Variants in TNS1 observed in about 807,000 individuals in gnomAD.
The protein encoded by TNS1 is tensin 1, also known as tensin-1.
In TNS1, 62 loss-of-function variants were observed where a neutral mutation model predicts 168.6. The observed-to-expected ratio is 0.37, with a 90% CI of 0.30 to 0.45. TNS1 has a LOEUF of 0.45. TNS1 is among the 20% of genes least tolerant of loss of function. The pLI is 1.00. For missense variants in TNS1, 2,240 were observed against 2,339.4 expected, an observed-to-expected ratio of 0.96 and a Z score of 0.88; for synonymous variants, 934 against 933.2, an observed-to-expected ratio of 1.00 and a Z score of -0.02.
chr2:217,805,557 ACACAC>A (rs1938644804), intron 32 of TNS1, among the ~76,000 whole-genome samples: 5 of 95,758 alleles, frequency 5.2e-5, no homozygotes, highest in Admixed American at 1.1e-4. Context: ...CACACACCAC[ACACAC>A]CACCACACAC....
In TNS1 at chr2:217,849,027, T is replaced by C; in HGVS notation, c.1490A>G (p.Lys497Arg). Residue 497 changes from lysine (K) to arginine (R), a missense_variant, in exon 19 of 33, where the codon AAA (lysine) becomes AGA (arginine). By Grantham distance (26) the Lys-to-Arg change is conservative. Around this residue, in one of 2 missense-constraint regions of TNS1, gnomAD observed 2,131 missense variants for 2,171.2 expected, o/e 0.98. Transcript: ENST00000682258. ...DGSLYAKVKKKDSLHGSTGAV... is the reference protein window; with the variant it reads ...DGSLYAKVKKRDSLHGSTGAV... ...CCCGGTGCTGCCGTGCAGGGAGTCTTTCTTCTTCACCTTAGCATACAGGCT... is the reference window on the plus strand; with the variant it reads ...CCCGGTGCTGCCGTGCAGGGAGTCTCTCTTCTTCACCTTAGCATACAGGCT... The C allele has an allele frequency of 6.2e-7, 1 of 1,613,858 alleles. No individual in the cohort carries two copies. The highest frequency in any genetic ancestry group is 1.1e-5 in the South Asian group (1 of 91,064).
At chr2:218,031,124 G>A (rs541903874) in intron 1 of TNS1, among the ~76,000 whole-genome samples, 1,944 of 92,588 alleles carry the variant, frequency 0.021, 56 homozygotes, top group African/African-American at 0.13. Flanking sequence ...GTGTGAGCAT[G>A]TCTGTGTGTG....
upstream of TNS1, among the ~76,000 whole-genome samples, chr2:218,014,384 G>T (rs1475530652): frequency 2.6e-5 from 4 of 152,086 alleles, no homozygotes; most frequent in Admixed American, 2.0e-4. Flanking sequence ...CTGTCCCTCG[G>T]GTACCAACTT....
chr2:217,805,389 C>T (rs978088436), intron 32 of TNS1, among the ~76,000 whole-genome samples: 1 of 101,800 alleles, frequency 9.8e-6, no homozygotes, highest in East Asian at 2.7e-4. Flanking sequence ...AAGGGGGATT[C>T]TGCTGGTCCC....
At chr2:217,825,764 T>A (rs11897815) in intron 22 of TNS1, among the ~76,000 whole-genome samples, 2 of 152,060 alleles carry the variant, frequency 1.3e-5, no homozygotes, top group Non-Finnish European at 2.9e-5. Flanking sequence ...GGGAGTCTGA[T>A]GGCAAGATTG....
chr2:218,009,501 G>C lies in TNS1; in HGVS notation c.96+599C>G, dbSNP rs559401187. Among the ~76,000 whole-genome samples the C allele has an allele frequency of 1.4e-3, 219 of 151,816 alleles. 5 individuals are homozygous for C. The South Asian group carries it at 0.045, about 31-fold the overall frequency. On this transcript the variant is annotated intron_variant, in intron 1 of 32. Coordinates refer to the TNS1 transcript ENST00000646520. ...CACCCACAGCACTGCAGGTTCCCCA[G>C]ACCCCTGCTCCCGCCCCCAGCCCAG...
intron 4 of TNS1, among the ~76,000 whole-genome samples, chr2:217,909,212 A>G (rs1338004371): frequency 6.6e-6 from 1 of 152,012 alleles, no homozygotes; most frequent in Non-Finnish European, 1.5e-5. Context: ...GTTGGGCAGA[A>G]CAGCCCAGCT....
intron 18 of TNS1, chr2:217,850,304 T>C (rs1559235883): frequency 1.0e-6 from 1 of 985,068 alleles, no homozygotes; most frequent in Non-Finnish European, 1.2e-6. Context: ...GGGGGGCATA[T>C]AGGGTGCTGA....
At chr2:217,858,206 C>T (rs1265004484) in intron 18 of TNS1, among the ~76,000 whole-genome samples, 1 of 152,064 alleles carries the variant, frequency 6.6e-6, no homozygotes, top group Non-Finnish European at 1.5e-5. Context: ...AACTCAGACA[C>T]ACGGCCCCCC....
chr2:217,805,586 C>T (rs1938693617), intron 32 of TNS1, among the ~76,000 whole-genome samples: 4 of 278 alleles, frequency 0.014, no homozygotes, highest in Admixed American at 0.056. Context: ...ACACACACAA[C>T]ACACACCACC....
rs560458200 is a variant in TNS1, at chr2:218,033,116, G to A, written c.156+704C>T. On this transcript the variant is annotated intron_variant, in intron 1 of 1. Transcript: ENST00000649572. This position sits in a 1 kb window ranked among gnomAD's most constrained non-coding sequence, Gnocchi z 4.3. ...TGAAGAAAGAAGACCCACCAACAGC[G>A]AGTCCTGAGGTCACAGGGACCTAGA... Among the ~76,000 whole-genome samples, 426 of 152,228 alleles carry A rather than the reference G, an allele frequency of 2.8e-3. No individual in the cohort carries two copies. The highest frequency in any genetic ancestry group is 9.6e-3 in the African/African-American group (398 of 41,522).
Position 217,813,224 on chromosome 2 carries a change from G to T in TNS1, c.4945C>A (p.Pro1649Thr). Residue 1649 changes from proline to threonine, a missense_variant, in exon 27 of 33, where the codon CCA becomes ACA. Transcript: ENST00000682258. This position sits in a 1 kb window ranked among gnomAD's most constrained non-coding sequence, Gnocchi z 4.0. ...GVKLKGCPNE[P>T]NFGSLSALVY... ...CAGGGGGACAGCTCACCGAAGTTTG[G>T]CTCATTGGGGCAGCCCTTGAGCTTG... is the stretch of plus-strand genomic sequence containing the variant. 1 of 1,602,460 alleles carries T rather than the reference G, an allele frequency of 6.2e-7. No homozygotes were observed. Among genetic ancestry groups the T allele is most frequent in the Non-Finnish European group, 8.5e-7 (1 of 1,173,714 alleles).
intron 4 of TNS1, among the ~76,000 whole-genome samples, chr2:217,916,606 A>G (rs1410738293): frequency 6.6e-6 from 1 of 152,192 alleles, no homozygotes; most frequent in African/African-American, 2.4e-5. Context: ...CCAGTGCCCC[A>G]CAGGAGGGTG....
At chr2:217,900,852 C>T (rs747156519) in intron 6 of TNS1, among the ~76,000 whole-genome samples, 3 of 152,172 alleles carry the variant, frequency 2.0e-5, no homozygotes, top group African/African-American at 7.2e-5. Context: ...TTGATACACT[C>T]GCCAACACAA....
At chr2:217,830,315 T>C (rs1338531819) in intron 22 of TNS1, 6 of 1,612,180 alleles carry the variant, frequency 3.7e-6, no homozygotes, top group African/African-American at 1.3e-5. Context: ...TGGGAGGCTA[T>C]GCCCAGCTGC....
Position 217,880,865 on chromosome 2 carries a change from G to T in TNS1, c.1429+33C>A. On this transcript the variant is annotated intron_variant, in intron 18 of 32. Transcript: ENST00000682258. This position sits in a 1 kb window ranked among gnomAD's most constrained non-coding sequence, Gnocchi z 4.2. ...ATGTGAGCAGAGGCTGTGCAGTTTG[G>T]ATAGGGGCTGGGAGCCACTAGGTCC... is the stretch of plus-strand genomic sequence containing the variant. 1 of 1,514,422 alleles carries T rather than the reference G, an allele frequency of 6.6e-7. No individual in the cohort carries two copies. Among genetic ancestry groups the T allele is most frequent in the Non-Finnish European group, 9.2e-7 (1 of 1,089,206 alleles). The allele number at this position is 1,514,422 out of a possible 1,614,324, so 93.8% of individuals were successfully genotyped here.
intron 2 of TNS1, among the ~76,000 whole-genome samples, chr2:217,979,265 A>T (rs1053522292): frequency 2.6e-5 from 4 of 151,986 alleles, no homozygotes; most frequent in African/African-American, 9.7e-5. Flanking sequence ...CACAATTCAG[A>T]GTCCAGGAGC....
chr2:217,886,043 C>T lies in TNS1; in HGVS notation c.1040+1G>A. On this transcript the variant is annotated splice_donor_variant, in intron 14 of 32. Transcript: ENST00000682258. LOFTEE classifies it high-confidence loss of function. Reference sequence around the variant, plus strand: ...GCCTCTCACGCCCATGTAATACTTACTAGATGCCAGATGTGTACACAGGTT... The same window carrying T: ...GCCTCTCACGCCCATGTAATACTTATTAGATGCCAGATGTGTACACAGGTT... 6.2e-7 allele frequency: 1 copy of T among 1,614,080 alleles called. No individual in the cohort carries two copies. The highest frequency in any genetic ancestry group is 8.5e-7 in the Non-Finnish European group (1 of 1,180,008).
At chr2:217,956,841 T>C (rs563421969) in intron 3 of TNS1, among the ~76,000 whole-genome samples, 1 of 152,264 alleles carries the variant, frequency 6.6e-6, no homozygotes, top group East Asian at 1.9e-4. Context: ...TGTGTCCCCA[T>C]GGCCTCAGTT....
Sources: allele counts gnomAD v4.1 joint callset (sites outside exome capture counted in the v4.1 genomes callset), GRCh38; gene constraint gnomAD v4.1.1; regional missense constraint gnomAD v4.1.1; non-coding constraint Gnocchi (gnomAD v3.1); transcripts MANE v1.5; gene names NCBI Gene and HGNC (gene_info 2026-07-23, HGNC 2026-07-21).